The following ATP6V1C2 variants were observed in gnomAD, a reference collection of about 807,000 sequenced individuals.
ATP6V1C2 encodes V-type proton ATPase subunit C 2.
ATP6V1C2 carries 45 observed loss-of-function variants against 56.8 expected under a neutral mutation model. The observed-to-expected ratio is 0.79, with a 90% CI of 0.62 to 1.02. The LOEUF is 1.02. ATP6V1C2 is among the 50% of genes least tolerant of loss of function. The pLI is 0.00. For synonymous variants in ATP6V1C2, 220 were observed against 201.3 expected, an observed-to-expected ratio of 1.09 and a Z score of -0.79; for missense variants, 463 against 519.7, an observed-to-expected ratio of 0.89 and a Z score of 1.06.
intron 11 of ATP6V1C2, 43 bp downstream of exon 11, chr2:10,777,765 T>C: frequency 6.4e-7 from 1 of 1,573,756 alleles, no homozygotes; most frequent in Non-Finnish European, 8.6e-7. Flanking sequence ...GGCTCACATC[T>C]CCTCGCCAGC....
chr2:10,768,303 C>T (rs1664362491), intron 5 of ATP6V1C2: 1 of 186,874 alleles, frequency 5.4e-6, no homozygotes, highest in African/African-American at 2.4e-5. Flanking sequence ...CTGCCCCTGC[C>T]AACCCATGAG....
chr2:10,777,798 A>C, intron 11 of ATP6V1C2, 76 bp downstream of exon 11: 1 of 1,512,444 alleles, frequency 6.6e-7, no homozygotes, highest in South Asian at 1.3e-5. Context: ...TGGGAAAATG[A>C]ATCCTTGCAT....
At chr2:10,724,491 T>C (rs1306159044) in intron 2 of ATP6V1C2, among the ~76,000 whole-genome samples, 1 of 152,044 alleles carries the variant, frequency 6.6e-6, no homozygotes, top group Non-Finnish European at 1.5e-5. Context: ...ATGGACACTG[T>C]ACGGGTGAGT....
chr2:10,743,929 A>T (rs1242117425), intron 3 of ATP6V1C2, among the ~76,000 whole-genome samples: 3 of 151,536 alleles, frequency 2.0e-5, no homozygotes, highest in Non-Finnish European at 2.9e-5. Flanking sequence ...GGTTGCAGTG[A>T]GCCAAGATTG....
At chr2:10,724,294 T>C (rs1661520883) in intron 2 of ATP6V1C2, among the ~76,000 whole-genome samples, 1 of 152,178 alleles carries the variant, frequency 6.6e-6, no homozygotes. Context: ...AGGGTTGTAA[T>C]GCTACCCCAT....
chr2:10,739,040 TA>T (rs1016733317), intron 3 of ATP6V1C2, among the ~76,000 whole-genome samples: 2 of 152,176 alleles, frequency 1.3e-5, no homozygotes, highest in African/African-American at 4.8e-5. Flanking sequence ...GTGATCTTTT[TA>T]AAAGCACCCT....
chr2:10,746,263 A>G (rs11680645), intron 3 of ATP6V1C2, among the ~76,000 whole-genome samples: 13,182 of 152,120 alleles, frequency 0.087, 1,847 homozygotes, highest in African/African-American at 0.29. Flanking sequence ...GCCTCCCAAC[A>G]TGCTGGGATT....
intron 3 of ATP6V1C2, among the ~76,000 whole-genome samples, chr2:10,737,662 T>A (rs1266325939): frequency 6.6e-6 from 1 of 152,200 alleles, no homozygotes; most frequent in African/African-American, 2.4e-5. Flanking sequence ...TTTGCTGCCC[T>A]TACGGGATAC....
intron 3 of ATP6V1C2, 69 bp from the exon 4 acceptor site, chr2:10,753,912 A>G: frequency 7.2e-7 from 1 of 1,398,482 alleles, no homozygotes; most frequent in Non-Finnish European, 9.9e-7. Context: ...TTTTCCTGCC[A>G]GCAGCATGTG....
At chr2:10,747,541 T>G (rs28623106) in intron 3 of ATP6V1C2, among the ~76,000 whole-genome samples, 31,604 of 152,048 alleles carry the variant, frequency 0.21, 3,443 homozygotes, top group East Asian at 0.36. Flanking sequence ...CAGATTTCAC[T>G]TGGATATCAC....
chr2:10,781,982 T>TG (rs1419128715), intron 12 of ATP6V1C2, among the ~76,000 whole-genome samples: 1 of 152,222 alleles, frequency 6.6e-6, no homozygotes, highest in Non-Finnish European at 1.5e-5. Context: ...GCATGCACCG[T>TG]GGAATGGCCA....
At chr2:10,758,582 G>A (rs1663690416) in intron 4 of ATP6V1C2, among the ~76,000 whole-genome samples, 1 of 152,020 alleles carries the variant, frequency 6.6e-6, no homozygotes, top group East Asian at 1.9e-4. Flanking sequence ...GGACAACATA[G>A]CAAGACCTTG....
At chr2:10,730,901 C>T (rs1274091352) in intron 3 of ATP6V1C2, among the ~76,000 whole-genome samples, 1 of 152,114 alleles carries the variant, frequency 6.6e-6, no homozygotes, top group Non-Finnish European at 1.5e-5. Flanking sequence ...GATCCACCCA[C>T]CTTGGCCTCC....
chr2:10,776,282 C>T (rs3932106), intron 10 of ATP6V1C2, among the ~76,000 whole-genome samples: 38,012 of 148,724 alleles, frequency 0.26, 5,072 homozygotes, highest in Non-Finnish European at 0.3. Flanking sequence ...TGTGTGTGTG[C>T]GCGCGCACGT....
intron 3 of ATP6V1C2, among the ~76,000 whole-genome samples, chr2:10,753,214 C>T (rs1333647196): frequency 1.3e-5 from 2 of 152,316 alleles, no homozygotes; most frequent in East Asian, 1.9e-4. Context: ...ACTTTCACGT[C>T]GTCATAGCCA....
chr2:10,754,251 C>T (rs1663390403), intron 4 of ATP6V1C2, among the ~76,000 whole-genome samples, 185 bp downstream of exon 4: 1 of 152,070 alleles, frequency 6.6e-6, no homozygotes, highest in Non-Finnish European at 1.5e-5. Context: ...TATTTTGAGA[C>T]AGAGTCTCCC....
At chr2:10,756,995 TGAG>T (rs369031201) in intron 4 of ATP6V1C2, among the ~76,000 whole-genome samples, 90 of 142,124 alleles carry the variant, frequency 6.3e-4, no homozygotes, top group African/African-American at 2.2e-3. Context: ...CTTGAAAACA[TGAG>T]GAGACTTTTT....
chr2:10,734,727 T>C (rs1662161231), intron 3 of ATP6V1C2, among the ~76,000 whole-genome samples: 1 of 152,188 alleles, frequency 6.6e-6, no homozygotes, highest in Admixed American at 6.5e-5. Flanking sequence ...TGCCCTGGGC[T>C]TTCCACGATG....
chr2:10,754,572 CTTTTCTTTTCT>C (rs1558405069), intron 4 of ATP6V1C2, among the ~76,000 whole-genome samples: 2,102 of 16,458 alleles, frequency 0.13, 51 homozygotes, highest in African/African-American at 0.25. Flanking sequence ...CTTTTCTTTT[CTTTTCTTTTCT>C]TTTTTTTTGA....
Sources: allele counts gnomAD v4.1 joint callset (sites outside exome capture counted in the v4.1 genomes callset), GRCh38; gene constraint gnomAD v4.1.1; transcripts MANE v1.5; gene names NCBI Gene and HGNC (gene_info 2026-07-23, HGNC 2026-07-21).